The following SGIP1 variants were observed in gnomAD, a reference collection of about 807,000 sequenced individuals.
The protein encoded by SGIP1 is SH3-containing GRB2-like protein 3-interacting protein 1.
Under a neutral mutation model 107.5 loss-of-function variants are expected in SGIP1, and 38 were observed. The observed-to-expected ratio is 0.35, with a 90% CI of 0.27 to 0.46. SGIP1 has a LOEUF of 0.46. SGIP1 is among the 20% of genes least tolerant of loss of function. The pLI is 1.00. For missense variants in SGIP1, 929 were observed against 1,019.5 expected, an observed-to-expected ratio of 0.91 and a Z score of 1.21; for synonymous variants, 365 against 366.1, an observed-to-expected ratio of 1.00 and a Z score of 0.03.
rs957005280 is a variant in SGIP1 at position 66,673,428 on chromosome 1, C to G, written c.646+62C>G. ...TTTCTTTTATTAAAGTACAACTCTT[C>G]TAGATTAAATGTATGTATTTTGAGG... On this transcript the variant is annotated intron_variant, in intron 12 of 24. Coordinates refer to ENST00000371037, the MANE Select transcript of SGIP1 (RefSeq NM_032291.4). 3.6e-6 allele frequency: 5 copies of G among 1,392,060 alleles called. No individual in the cohort carries two copies. The African/African-American group carries it at 5.8e-5, about 16-fold the overall frequency. 86.2% of individuals were successfully genotyped at this position (1,392,060 alleles called of 1,614,324 possible).
chr1:66,648,864 C>A (rs1450532877), intron 7 of SGIP1, among the ~76,000 whole-genome samples: 1 of 152,148 alleles, frequency 6.6e-6, no homozygotes, highest in Non-Finnish European at 1.5e-5. Context: ...ACCTGTGTAA[C>A]CTTAGACAAG....
chr1:66,699,145 A>G (rs1309410170), intron 18 of SGIP1, among the ~76,000 whole-genome samples: 1 of 151,856 alleles, frequency 6.6e-6, no homozygotes, highest in East Asian at 1.9e-4. Context: ...GTGTTTCCTG[A>G]CGAAATCCTG....
intron 1 of SGIP1, among the ~76,000 whole-genome samples, chr1:66,616,941 G>A (rs2069469682): frequency 6.6e-6 from 1 of 152,008 alleles, no homozygotes; most frequent in Non-Finnish European, 1.5e-5. Flanking sequence ...AGACCCTTTT[G>A]CAATCTATTG....
At chr1:66,615,505 T>C (rs2069053151) in intron 1 of SGIP1, among the ~76,000 whole-genome samples, 1 of 152,206 alleles carries the variant, frequency 6.6e-6, no homozygotes. Context: ...AGTAAGAATT[T>C]ATAGATTTTA....
intron 7 of SGIP1, among the ~76,000 whole-genome samples, 186 bp from the exon 8 acceptor site, chr1:66,660,327 C>T (rs2081209312): frequency 6.6e-6 from 1 of 152,012 alleles, no homozygotes; most frequent in African/African-American, 2.4e-5. Flanking sequence ...CCCTCTGTAG[C>T]TTGAACTAAA....
chr1:66,627,337 G>A (rs935213054), intron 2 of SGIP1, among the ~76,000 whole-genome samples: 1 of 152,134 alleles, frequency 6.6e-6, no homozygotes, highest in African/African-American at 2.4e-5. Context: ...AGCAAAAGTG[G>A]AAAGGTAGTA....
Position 66,731,014 on chromosome 1 carries a change from C to T in SGIP1, c.1898+1595C>T, listed in dbSNP as rs1004176608. Reference sequence around the variant, plus strand: ...AAAGTAATTGCAGTTTCTACCGTTACTTTTAAATGACAAAAACCGTAATTC... The same window carrying T: ...AAAGTAATTGCAGTTTCTACCGTTATTTTTAAATGACAAAAACCGTAATTC... On this transcript the variant is annotated intron_variant, in intron 20 of 24. Transcript: ENST00000371037. 3.9e-5 allele frequency among the ~76,000 whole-genome samples: 6 copies of T among 152,318 alleles called. No individual in the cohort carries two copies. The South Asian group carries it at 1.0e-3, about 26-fold the overall frequency.
intron 7 of SGIP1, among the ~76,000 whole-genome samples, chr1:66,654,663 C>T (rs1234674166): frequency 6.6e-6 from 1 of 152,106 alleles, no homozygotes; most frequent in Non-Finnish European, 1.5e-5. Context: ...GTGAATCACT[C>T]ATATTAATTA....
chr1:66,618,551 G>A (rs1388947644), intron 1 of SGIP1, among the ~76,000 whole-genome samples: 1 of 152,194 alleles, frequency 6.6e-6, no homozygotes, highest in African/African-American at 2.4e-5. Context: ...AACAGACCTA[G>A]CTCAACATCT....
intron 9 of SGIP1, among the ~76,000 whole-genome samples, chr1:66,670,784 CT>C (rs2083591256): frequency 6.6e-6 from 1 of 152,126 alleles, no homozygotes; most frequent in South Asian, 2.1e-4. Flanking sequence ...ACGATTTACC[CT>C]TTCTTCCTCT....
rs2094442403 is a variant in SGIP1, at chr1:66,741,419, A to G, written c.2447A>G (p.Lys816Arg). 1 of 1,583,116 alleles carries G rather than the reference A, an allele frequency of 6.3e-7. No individual in the cohort carries two copies. Among genetic ancestry groups the G allele is most frequent in the Non-Finnish European group, 8.6e-7 (1 of 1,166,906 alleles). The change falls in exon 24 of 25, where the codon AAG (lysine) becomes AGG (arginine). Residue 816 changes from lysine to arginine, a missense_variant. By Grantham distance (26) the Lys-to-Arg change is conservative (BLOSUM62 2). This residue lies in a region of SGIP1 where 341 missense variants were observed against 430.9 expected (regional missense o/e 0.79). Coordinates refer to ENST00000371037, the MANE Select transcript of SGIP1 (RefSeq NM_032291.4). The part of the protein sequence containing the change: ...VGAGYRFSLI[K>R]KRFAAGKYLA... ...GCAGGGTATCGATTTTCACTCATCA[A>G]GAAAAGGTTTGCTGCAGGTAAATGA... is the stretch of plus-strand genomic sequence containing the variant.
intron 1 of SGIP1, among the ~76,000 whole-genome samples, chr1:66,614,636 A>G (rs1382244206): frequency 1.3e-5 from 2 of 152,076 alleles, no homozygotes; most frequent in Non-Finnish European, 2.9e-5. Context: ...AACCATTTAT[A>G]TCCCTTTTTA....
chr1:66,672,987 C>G (rs751679832), intron 11 of SGIP1, among the ~76,000 whole-genome samples: 9 of 152,114 alleles, frequency 5.9e-5, no homozygotes, highest in Non-Finnish European at 1.2e-4. Context: ...TATAGAAAAT[C>G]ATGATGCTTT....
chr1:66,726,359 T>C (rs2093757867), intron 19 of SGIP1, among the ~76,000 whole-genome samples: 1 of 152,194 alleles, frequency 6.6e-6, no homozygotes, highest in South Asian at 2.1e-4. Context: ...CAATGATTGA[T>C]TTTATATAGA....
chr1:66,619,083 C>T (rs1034043000), intron 1 of SGIP1, among the ~76,000 whole-genome samples: 1 of 152,248 alleles, frequency 6.6e-6, no homozygotes, highest in South Asian at 2.1e-4. Context: ...GCGGTCATTG[C>T]CAACTTACCT....
intron 7 of SGIP1, among the ~76,000 whole-genome samples, chr1:66,654,377 G>A (rs1557468830): frequency 6.6e-6 from 1 of 152,098 alleles, no homozygotes; most frequent in Non-Finnish European, 1.5e-5. Context: ...CACATCCAGT[G>A]AGATTGTTTT....
At chr1:66,724,495 G>T (rs2093671553) in intron 19 of SGIP1, among the ~76,000 whole-genome samples, 1 of 152,270 alleles carries the variant, frequency 6.6e-6, no homozygotes, top group East Asian at 1.9e-4. Context: ...TAATAAGTCA[G>T]CAAAAGTTCT....
intron 18 of SGIP1, among the ~76,000 whole-genome samples, chr1:66,715,822 T>C (rs2150390843): frequency 6.6e-6 from 1 of 152,302 alleles, no homozygotes; most frequent in Non-Finnish European, 1.5e-5. Context: ...TAAACCTTGA[T>C]ATATAAGAAC....
At chr1:66,585,256 A>G (rs2062426878) in intron 1 of SGIP1, among the ~76,000 whole-genome samples, 1 of 151,782 alleles carries the variant, frequency 6.6e-6, no homozygotes, top group South Asian at 2.1e-4. Context: ...GTTCTGTTTT[A>G]TTGTTTTTGA....
Sources: allele counts gnomAD v4.1 joint callset (sites outside exome capture counted in the v4.1 genomes callset), GRCh38; gene constraint gnomAD v4.1.1; regional missense constraint gnomAD v4.1.1; transcripts MANE v1.5; gene names NCBI Gene and HGNC (gene_info 2026-07-23, HGNC 2026-07-21).